The following TESK1 variants were observed in gnomAD, a reference collection of about 807,000 sequenced individuals.
TESK1 encodes the protein testis associated actin remodelling kinase 1.
Under a neutral mutation model 59.9 loss-of-function variants are expected in TESK1, and 18 were observed. The observed-to-expected ratio is 0.30, with a 90% CI of 0.21 to 0.45. The LOEUF is 0.45. Ranked by LOEUF, TESK1 falls within the 20% of genes least tolerant of loss-of-function variation. TESK1 has a pLI of 1.00. For missense variants in TESK1, 748 were observed against 840.9 expected (o/e 0.89, Z 1.37); for synonymous variants, 341 against 357.4 (o/e 0.95, Z 0.52).
intron 9 of TESK1, 149 bp downstream of exon 9, chr9:35,608,658 G>A (rs1461315508): frequency 6.3e-6 from 6 of 956,532 alleles, no homozygotes; most frequent in Non-Finnish European, 9.2e-6. Context: ...TCTCCAAGAA[G>A]ACAGTTTCCT....
At chr9:35,608,635 G>A (rs1036131169) in intron 9 of TESK1, 126 bp downstream of exon 9, 1 of 960,904 alleles carries the variant, frequency 1.0e-6, no homozygotes, top group Admixed American at 2.6e-5. Context: ...GGCTGGGGTA[G>A]GGTGGGAGGA....
Position 35,609,091 on chromosome 9 carries a change from A to G in TESK1, c.1230A>G (p.Pro410=), listed in dbSNP as rs535835843. 5.0e-6 allele frequency: 8 copies of G among 1,614,002 alleles called. No homozygotes were observed. Among genetic ancestry groups the G allele is most frequent in the South Asian group, 2.2e-5 (2 of 91,076 alleles). The change falls in exon 10 of 10, where the codon CCA becomes CCG. Residue 410 remains proline, a synonymous_variant. Transcript: ENST00000336395. This position sits in a 1 kb window ranked among gnomAD's most constrained non-coding sequence, Gnocchi z 6.7. Reference sequence around the variant, plus strand: ...TCCTGCCTCTTGTGCCACCATCACCATTCCCATCCACTCAGCTGCCCTTGG... The same window carrying G: ...TCCTGCCTCTTGTGCCACCATCACCGTTCCCATCCACTCAGCTGCCCTTGG... ...KPVLPLVPPS[P]FPSTQLPLVT...
rs556668392 is a variant in TESK1 at position 35,607,225 on chromosome 9, G to T, written c.538-102G>T. 79 of 1,463,106 alleles carry T rather than the reference G, an allele frequency of 5.4e-5. 1 individual carries two copies. The South Asian group carries it at 8.5e-4, about 16-fold the overall frequency. 90.6% of individuals were successfully genotyped at this position (1,463,106 alleles called of 1,614,324 possible). A position where few individuals can be genotyped will look rare whatever the true frequency, so the allele number is the denominator to read the frequency against. On this transcript the variant is annotated intron_variant, in intron 4 of 9. Coordinates refer to ENST00000336395, the MANE Select transcript of TESK1 (RefSeq NM_006285.3). This position sits in a 1 kb window ranked among gnomAD's most constrained non-coding sequence, Gnocchi z 4.5. ...CTTGAAAAACTGGGAGAGCAGAGAG[G>T]GTTGGAGTTATGCTGGAGTGACAGG...
At position 35,609,470 on chromosome 9, in the gene TESK1, G is replaced by A; in HGVS notation, c.1609G>A (p.Ala537Thr). 6.2e-7 allele frequency: 1 copy of A among 1,605,216 alleles called. No homozygotes were observed. Residue 537 changes from alanine (A) to threonine (T), a missense_variant, in exon 10 of 10, where the codon GCC becomes ACC. By Grantham distance (58) the Ala-to-Thr change is moderately conservative. Around this residue, in one of 3 missense-constraint regions of TESK1, gnomAD observed 447 missense variants for 466.1 expected, o/e 0.96. Transcript: ENST00000336395. This position sits in a 1 kb window ranked among gnomAD's most constrained non-coding sequence, Gnocchi z 6.7. ...QGWAGEPWNR[A>T]QHSLPRAAAL... ...CTGGGCTGGGGAGCCCTGGAACCGG[G>A]CCCAGCATAGCCTGCCCCGGGCGGC...
chr9:35,606,914 C>G lies in TESK1; in HGVS notation c.468C>G (p.Ala156=), dbSNP rs148071240. ...CCTGGCCGGTCAGGCTCCACCTGGC[C>G]CTGGACATTGCCCGAGGCCTGCGGT... The part of the protein sequence containing the change: ...PLSWPVRLHL[A]LDIARGLRYL... Residue 156 remains alanine, a synonymous_variant, in exon 4 of 10, where the codon GCC becomes GCG. Transcript: ENST00000336395. The G allele has an allele frequency of 1.6e-4, 257 of 1,613,632 alleles. No homozygotes were observed. The highest frequency in any genetic ancestry group is 2.1e-4 in the Non-Finnish European group (252 of 1,179,812).
In TESK1 at chr9:35,607,314, G is replaced by C; in HGVS notation, c.538-13G>C. The C allele has an allele frequency of 6.2e-7, 1 of 1,614,030 alleles. No individual in the cohort carries two copies. Among genetic ancestry groups the C allele is most frequent in the Non-Finnish European group, 8.5e-7 (1 of 1,179,922 alleles). ...TGATGAGTGCGTGGGGATACTATGT[G>C]TGTGTGTGTCAGAACTGTCTAGTCC... On this transcript the variant is annotated splice_polypyrimidine_tract_variant and intron_variant, in intron 4 of 9. Transcript: ENST00000336395. The surrounding 1 kb of genome is among the most constrained non-coding windows in gnomAD (Gnocchi z 4.5).
chr9:35,608,588 G>A, intron 9 of TESK1, 79 bp downstream of exon 9: 1 of 1,342,916 alleles, frequency 7.4e-7, no homozygotes, highest in Non-Finnish European at 1.0e-6. Context: ...CATGGGGGAG[G>A]CTAAGTATAT....
chr9:35,605,765 C>G lies in TESK1; in HGVS notation c.146C>G (p.Ser49Cys). The G allele has an allele frequency of 6.2e-7, 1 of 1,609,594 alleles. No individual in the cohort carries two copies. The highest frequency in any genetic ancestry group is 8.5e-7 in the Non-Finnish European group (1 of 1,178,618). ...SSYRALRSAV[S>C]SLARVDDFHC... Reference sequence around the variant, plus strand: ...TACCGGGCTCTCCGCAGCGCCGTGTCTAGCCTGGCGCGTGTGGACGATTTT... The same window carrying G: ...TACCGGGCTCTCCGCAGCGCCGTGTGTAGCCTGGCGCGTGTGGACGATTTT... The change falls in exon 1 of 10, where the codon TCT becomes TGT. Residue 49 changes from serine (S) to cysteine (C), a missense_variant. By Grantham distance (112) the Ser-to-Cys change is moderately radical (BLOSUM62 -1). Transcript: ENST00000336395.
At position 35,609,627 on chromosome 9, in the gene TESK1, C is replaced by T. The variant is rs1454826897; in HGVS notation, c.1766C>T (p.Pro589Leu). The change falls in exon 10 of 10, where the codon CCA (proline) becomes CTA (leucine). Residue 589 changes from proline (P) to leucine (L), a missense_variant. Transcript: ENST00000336395. The surrounding 1 kb of genome is among the most constrained non-coding windows in gnomAD (Gnocchi z 6.7). ...CTGTCCATGTGCCCCCGCCCCACAC[C>T]AGCTGTTGCCCGCTACCGCAACCTG... ...GFLSMCPRPTPAVARYRNLNC... is the reference protein window; with the variant it reads ...GFLSMCPRPTLAVARYRNLNC... The T allele has an allele frequency of 1.2e-6, 2 of 1,610,440 alleles. No individual in the cohort carries two copies. The highest frequency in any genetic ancestry group is 1.7e-5 in the Admixed American group (1 of 60,028).
chr9:35,605,916 G>A, intron 1 of TESK1, 68 bp from the exon 2 acceptor site: 1 of 1,607,484 alleles, frequency 6.2e-7, no homozygotes, highest in Non-Finnish European at 8.5e-7. Context: ...GGGAGTGCGG[G>A]GAAGAGGGTC....
chr9:35,609,609 T>C lies in TESK1; in HGVS notation c.1748T>C (p.Met583Thr), dbSNP rs768504971. 2 of 1,611,968 alleles carry C rather than the reference T, an allele frequency of 1.2e-6. No homozygotes were observed. Among genetic ancestry groups the C allele is most frequent in the Admixed American group, 1.7e-5 (1 of 60,016 alleles). Residue 583 changes from methionine (M) to threonine (T), a missense_variant, in exon 10 of 10, where the codon ATG becomes ACG. Around this residue, in one of 3 missense-constraint regions of TESK1, gnomAD observed 447 missense variants for 466.1 expected, o/e 0.96. Coordinates refer to ENST00000336395, the MANE Select transcript of TESK1 (RefSeq NM_006285.3). This position sits in a 1 kb window ranked among gnomAD's most constrained non-coding sequence, Gnocchi z 6.7. ...LGPFSFGFLS[M>T]CPRPTPAVAR... ...CCCTTCAGCTTTGGCTTCCTGTCCA[T>C]GTGCCCCCGCCCCACACCAGCTGTT...
At position 35,607,253 on chromosome 9, in the gene TESK1, T is replaced by G. The variant is rs1373400986; in HGVS notation, c.538-74T>G. ...TGGAGTTATGCTGGAGTGACAGGGC[T>G]TTGGGTTATACATTGGGAGGCCAGA... On this transcript the variant is annotated intron_variant, in intron 4 of 9. Transcript: ENST00000336395. This position sits in a 1 kb window ranked among gnomAD's most constrained non-coding sequence, Gnocchi z 4.5. 3.2e-6 allele frequency: 5 copies of G among 1,572,662 alleles called. No individual in the cohort carries two copies. In the Admixed American group the frequency reaches 8.4e-5, roughly 26 times the overall value.
chr9:35,606,760 C>A, intron 3 of TESK1, 77 bp from the exon 4 acceptor site: 1 of 1,445,204 alleles, frequency 6.9e-7, no homozygotes, highest in Non-Finnish European at 9.4e-7. Flanking sequence ...TCGGGAGTGT[C>A]CCCTAGCGTG....
rs2131743631 is a variant in TESK1, at chr9:35,605,564, T to A, written c.-56T>A. 1 of 533,180 alleles carries A rather than the reference T, an allele frequency of 1.9e-6. No homozygotes were observed. Among genetic ancestry groups the A allele is most frequent in the African/African-American group, 2.0e-5 (1 of 49,430 alleles). 33.0% of individuals were successfully genotyped at this position (533,180 alleles called of 1,614,324 possible). ...GCCCGCGCCCATGGCAAGCGCGGCC[T>A]GCCCGGGCCCTGGGGACCCTGCCAT... On this transcript the variant is annotated 5_prime_UTR_variant, in exon 1 of 10. Coordinates refer to ENST00000336395, the MANE Select transcript of TESK1 (RefSeq NM_006285.3).
At position 35,608,520 on chromosome 9, in the gene TESK1, C is replaced by A. The variant is rs1452180599; in HGVS notation, c.1000+11C>A. ...TGACACACAATCAGGGTAAGGGAGC[C>A]TGACCTTGATCCAGCTTGAGTCCTT... On this transcript the variant is annotated intron_variant, in intron 9 of 9. Coordinates refer to ENST00000336395, the MANE Select transcript of TESK1 (RefSeq NM_006285.3). 1 of 1,611,812 alleles carries A rather than the reference C, an allele frequency of 6.2e-7. No homozygotes were observed. The highest frequency in any genetic ancestry group is 8.5e-7 in the Non-Finnish European group (1 of 1,178,426).
chr9:35,607,820 G>A lies in TESK1; in HGVS notation c.712-108G>A. On this transcript the variant is annotated intron_variant, in intron 6 of 9. Transcript: ENST00000336395. This position sits in a 1 kb window ranked among gnomAD's most constrained non-coding sequence, Gnocchi z 4.5. ...CCTCACAGGCACCCTTCTAACACATGAAAACTGTCAAGATCCCCCACCCTC... is the reference window on the plus strand; with the variant it reads ...CCTCACAGGCACCCTTCTAACACATAAAAACTGTCAAGATCCCCCACCCTC... The A allele has an allele frequency of 2.2e-6, 3 of 1,363,254 alleles. No homozygotes were observed. Among genetic ancestry groups the A allele is most frequent in the Non-Finnish European group, 3.1e-6 (3 of 975,852 alleles). The allele number at this position is 1,363,254 out of a possible 1,614,324, so 84.4% of individuals were successfully genotyped here.
rs774630088 is a variant in TESK1 at position 35,609,309 on chromosome 9, C to T, written c.1448C>T (p.Ala483Val). ...CCTGAGCCGGAACCTCCAGGGCCAG[C>T]GCCCCAGCTGCCTCTGGCTGTGGCC... is the stretch of plus-strand genomic sequence containing the variant. ...SSPEPEPPGPAPQLPLAVATD... is the reference protein window; with the variant it reads ...SSPEPEPPGPVPQLPLAVATD... Residue 483 changes from alanine (A) to valine (V), a missense_variant, in exon 10 of 10, where the codon GCG becomes GTG. Coordinates refer to ENST00000336395, the MANE Select transcript of TESK1 (RefSeq NM_006285.3). This position sits in a 1 kb window ranked among gnomAD's most constrained non-coding sequence, Gnocchi z 6.7. The T allele has an allele frequency of 1.8e-5, 29 of 1,613,760 alleles. No homozygotes were observed. The highest frequency in any genetic ancestry group is 5.5e-5 in the South Asian group (5 of 91,082).
chr9:35,608,955 C>T lies in TESK1; in HGVS notation c.1094C>T (p.Pro365Leu). The change falls in exon 10 of 10, where the codon CCA becomes CTA. Residue 365 changes from proline (P) to leucine (L), a missense_variant. Around this residue, in one of 3 missense-constraint regions of TESK1, gnomAD observed 447 missense variants for 466.1 expected, o/e 0.96. Coordinates refer to ENST00000336395, the MANE Select transcript of TESK1 (RefSeq NM_006285.3). ...TCAGACCTCTTCCTGCCCCCATCAC[C>T]AGAATCACCCCCCAACTGGGGGGAC... ...SRSDLFLPPS[P>L]ESPPNWGDNL... The T allele has an allele frequency of 6.2e-7, 1 of 1,614,168 alleles. No homozygotes were observed. Among genetic ancestry groups the T allele is most frequent in the Non-Finnish European group, 8.5e-7 (1 of 1,180,020 alleles).
Position 35,605,310 on chromosome 9 carries a change from C to CGCCT in TESK1, c.-307_-306insTGCC, listed in dbSNP as rs1822816617. On this transcript the variant is annotated 5_prime_UTR_variant, in exon 1 of 10. Coordinates refer to ENST00000336395, the MANE Select transcript of TESK1 (RefSeq NM_006285.3). ...GCGGAGCAGCCGCCGCCCGCCCGCC[C>CGCCT]GCCCGCCTCCGCCCGCGGCAAGCCA... The CGCCT allele has an allele frequency of 1.4e-5, 2 of 147,964 alleles. No homozygotes were observed. The highest frequency in any genetic ancestry group is 4.9e-5 in the African/African-American group (2 of 40,914). The allele number at this position is 147,964 out of a possible 1,614,324, so 9.2% of individuals were successfully genotyped here.
Sources: gnomAD v4.1 joint callset for allele counts on GRCh38, gnomAD v4.1.1 for gene constraint, gnomAD v4.1.1 regional missense constraint, Gnocchi (gnomAD v3.1) non-coding constraint, MANE v1.5 for transcripts, NCBI Gene and HGNC (gene_info 2026-07-23, HGNC 2026-07-21) for gene names.